The following TENM3 variants were observed in gnomAD, a reference collection of about 807,000 sequenced individuals.
TENM3 encodes the protein teneurin transmembrane protein 3.
A neutral mutation model predicts 255.1 loss-of-function variants in TENM3; 63 were observed. The observed-to-expected ratio is 0.25, with a 90% CI of 0.20 to 0.30. The LOEUF (loss-of-function observed/expected upper bound fraction) is 0.30, where lower values mean the gene tolerates loss of function less well. TENM3 is among the 10% of genes least tolerant of loss of function. The probability of loss-of-function intolerance (pLI) is 1.00; values close to 1 mark genes in which losing one functional copy is unlikely to be tolerated. For synonymous variants in TENM3, 1,306 were observed against 1,322.3 expected (o/e 0.99, Z 0.27); for missense variants, 2,929 against 3,461.1 (o/e 0.85, Z 3.86).
At chr4:182,751,439 C>T (rs573303678) in intron 19 of TENM3, among the ~76,000 whole-genome samples, 1 of 152,342 alleles carries the variant, frequency 6.6e-6, no homozygotes, top group South Asian at 2.1e-4. Context: ...TTATGTCCCT[C>T]ATTCAGGGGC....
the TENM3 span, among the ~76,000 whole-genome samples, chr4:182,094,323 G>A: frequency 6.6e-6 from 1 of 151,592 alleles, no homozygotes; most frequent in Non-Finnish European, 1.5e-5. Flanking sequence ...TCAGCTCACT[G>A]CAACCTCCAC....
the TENM3 span, among the ~76,000 whole-genome samples, chr4:182,045,396 A>T: frequency 1.5e-5 from 1 of 65,594 alleles, no homozygotes; most frequent in African/African-American, 6.7e-5. Flanking sequence ...AGCCTCAATT[A>T]AAAAAAAAAA....
chr4:182,420,412 C>CCA (rs947445931), intron 3 of TENM3, among the ~76,000 whole-genome samples: 72 of 152,142 alleles, frequency 4.7e-4, no homozygotes, highest in African/African-American at 1.6e-3. Flanking sequence ...CTCTCAGTCA[C>CCA]CACACACACA....
chr4:181,483,805 A>G, the TENM3 span, among the ~76,000 whole-genome samples: 6 of 152,148 alleles, frequency 3.9e-5, no homozygotes, highest in Non-Finnish European at 5.9e-5. Context: ...TCAAAAGGCT[A>G]TGCGGTAATT....
chr4:181,545,476 C>A, the TENM3 span, among the ~76,000 whole-genome samples: 1 of 152,072 alleles, frequency 6.6e-6, no homozygotes. Context: ...ATTAAAGGAT[C>A]ACCTACCCCA....
intron 3 of TENM3, among the ~76,000 whole-genome samples, chr4:182,396,165 A>T (rs916730823): frequency 2.0e-5 from 3 of 152,094 alleles, no homozygotes; most frequent in African/African-American, 7.2e-5. Flanking sequence ...CTGTTTTCTT[A>T]CTTTCTCATA....
the TENM3 span, among the ~76,000 whole-genome samples, chr4:181,901,056 A>T: frequency 6.6e-6 from 1 of 152,336 alleles, no homozygotes; most frequent in African/African-American, 2.4e-5. Context: ...GACTTGCAGC[A>T]AACCTTCTCA....
the TENM3 span, among the ~76,000 whole-genome samples, chr4:181,690,240 GCACACACACA>G: frequency 0.054 from 8,104 of 150,530 alleles, 293 homozygotes; most frequent in Middle Eastern, 0.14. Context: ...GCGTGAGCGT[GCACACACACA>G]CACACACACA....
chr4:181,508,719 T>C, the TENM3 span, among the ~76,000 whole-genome samples: 2 of 151,964 alleles, frequency 1.3e-5, no homozygotes, highest in Non-Finnish European at 2.9e-5. Flanking sequence ...TCCCCTGTTT[T>C]GTCCCACTTT....
chr4:182,503,099 G>C lies in TENM3; in HGVS notation c.512-97825G>C, dbSNP rs186842516. Among the ~76,000 whole-genome samples the C allele has an allele frequency of 3.4e-3, 517 of 152,188 alleles. 1 individual carries two copies. The highest frequency in any genetic ancestry group is 6.5e-3 in the Non-Finnish European group (440 of 68,002). On this transcript the variant is annotated intron_variant, in intron 3 of 27. Coordinates refer to ENST00000511685, the MANE Select transcript of TENM3 (RefSeq NM_001080477.4). ...CAACTATTCCTTATTTCAAGCTACA[G>C]TTCATTTCACCTCTGCCTTCCAGTA...
chr4:181,760,448 A>G, the TENM3 span, among the ~76,000 whole-genome samples: 2 of 152,200 alleles, frequency 1.3e-5, no homozygotes, highest in Non-Finnish European at 2.9e-5. Flanking sequence ...TGAATTTAAT[A>G]GACCACGATT....
the TENM3 span, among the ~76,000 whole-genome samples, chr4:181,894,341 C>T: frequency 6.6e-6 from 1 of 152,190 alleles, no homozygotes; most frequent in Non-Finnish European, 1.5e-5. Flanking sequence ...AGCTCTAATT[C>T]TCTCAGAAGC....
chr4:181,562,513 T>C, the TENM3 span, among the ~76,000 whole-genome samples: 3 of 152,172 alleles, frequency 2.0e-5, no homozygotes, highest in South Asian at 2.1e-4. Flanking sequence ...TTGGTATATG[T>C]AGTCTTCCAG....
intron 3 of TENM3, among the ~76,000 whole-genome samples, chr4:182,473,648 G>C (rs948713583): frequency 2.6e-5 from 4 of 152,070 alleles, no homozygotes; most frequent in Non-Finnish European, 5.9e-5. Flanking sequence ...ACTCCAGCCT[G>C]GGCGACAGAG....
the TENM3 span, among the ~76,000 whole-genome samples, chr4:181,700,209 AT>A: frequency 0.032 from 4,443 of 139,192 alleles, 199 homozygotes; most frequent in African/African-American, 0.11. Context: ...TCTAAGTTTG[AT>A]TTTTATTTTA....
chr4:181,839,535 T>C, the TENM3 span, among the ~76,000 whole-genome samples: 3 of 148,862 alleles, frequency 2.0e-5, no homozygotes, highest in Admixed American at 6.7e-5. Flanking sequence ...ACACACATGC[T>C]CATATGTGCC....
At chr4:181,924,572 A>T in the TENM3 span, among the ~76,000 whole-genome samples, 1 of 152,226 alleles carries the variant, frequency 6.6e-6, no homozygotes, top group Non-Finnish European at 1.5e-5. Context: ...CTTGTTGGAG[A>T]ACTGTTCATT....
At chr4:182,634,019 G>A (rs1043519487) in intron 5 of TENM3, among the ~76,000 whole-genome samples, 2 of 152,154 alleles carry the variant, frequency 1.3e-5, no homozygotes, top group Admixed American at 1.3e-4. Flanking sequence ...TCCGAAGTGA[G>A]AACCGAGATT....
At chr4:181,574,243 G>T in the TENM3 span, among the ~76,000 whole-genome samples, 33 of 152,284 alleles carry the variant, frequency 2.2e-4, no homozygotes, top group African/African-American at 7.5e-4. Context: ...TCATATAAAT[G>T]TCTTCCGGCC....
Sources: allele counts gnomAD v4.1 joint callset (sites outside exome capture counted in the v4.1 genomes callset), GRCh38; gene constraint gnomAD v4.1.1; transcripts MANE v1.5; gene names NCBI Gene and HGNC (gene_info 2026-07-23, HGNC 2026-07-21).